Variants in FAM135B observed in about 807,000 individuals in gnomAD.
The protein encoded by FAM135B is family with sequence similarity 135 member B.
FAM135B carries 43 observed loss-of-function variants against 127.7 expected under a neutral mutation model. That is an observed-to-expected ratio of 0.34 (90% CI 0.26 to 0.43). FAM135B has a LOEUF of 0.43. FAM135B is among the 20% of genes least tolerant of loss of function. FAM135B has a pLI of 1.00. For missense variants in FAM135B, 1,558 were observed against 1,725.6 expected (o/e 0.90, Z 1.72); for synonymous variants, 670 against 665.1 (o/e 1.01, Z -0.11).
chr8:138,175,894 A>T (rs191217798), intron 11 of FAM135B, among the ~76,000 whole-genome samples: 50 of 152,300 alleles, frequency 3.3e-4, no homozygotes, highest in African/African-American at 1.2e-3. Flanking sequence ...GACAATACAC[A>T]TTCGCTTACT....
At chr8:138,140,887 G>A (rs1400725469) in intron 17 of FAM135B, among the ~76,000 whole-genome samples, 1 of 152,166 alleles carries the variant, frequency 6.6e-6, no homozygotes, top group Non-Finnish European at 1.5e-5. Flanking sequence ...CAGGTGGCCT[G>A]ATTCAGAGTC....
chr8:138,284,107 T>C (rs73719206), intron 3 of FAM135B, among the ~76,000 whole-genome samples: 1,799 of 152,298 alleles, frequency 0.012, 38 homozygotes, highest in African/African-American at 0.041. Context: ...AAAAAAACTT[T>C]TTATCACTAC....
At chr8:138,329,538 T>C (rs1054101481) in intron 2 of FAM135B, among the ~76,000 whole-genome samples, 1 of 152,174 alleles carries the variant, frequency 6.6e-6, no homozygotes, top group Non-Finnish European at 1.5e-5. Context: ...CTTGGCTCCA[T>C]TTGACTAGGA....
chr8:138,413,432 C>A (rs1161593003), intron 1 of FAM135B, among the ~76,000 whole-genome samples: 2 of 152,154 alleles, frequency 1.3e-5, no homozygotes, highest in African/African-American at 4.8e-5. Context: ...ACTTAGGAAG[C>A]CTTCTCTAAA....
At chr8:138,301,324 G>GGTT (rs1563874213) in intron 3 of FAM135B, among the ~76,000 whole-genome samples, 5 of 152,098 alleles carry the variant, frequency 3.3e-5, no homozygotes, top group Non-Finnish European at 7.4e-5. Context: ...AACAGAAAGC[G>GGTT]GTCGTCTTGC....
At chr8:138,400,236 G>T (rs566332455) in intron 1 of FAM135B, among the ~76,000 whole-genome samples, 1 of 152,226 alleles carries the variant, frequency 6.6e-6, no homozygotes, top group Non-Finnish European at 1.5e-5. Context: ...AGATATTCCT[G>T]CTTGGAGGGG....
intron 1 of FAM135B, among the ~76,000 whole-genome samples, chr8:138,444,230 T>C (rs1233369192): frequency 6.6e-6 from 1 of 152,046 alleles, no homozygotes; most frequent in Non-Finnish European, 1.5e-5. Flanking sequence ...CTGTCAACAT[T>C]AGACAGGTCA....
intron 1 of FAM135B, among the ~76,000 whole-genome samples, chr8:138,434,284 G>T (rs1835349754): frequency 6.6e-6 from 1 of 152,122 alleles, no homozygotes; most frequent in South Asian, 2.1e-4. Context: ...GAATCTCTTT[G>T]ATTTATTCAA....
chr8:138,194,295 C>T (rs1816425732), intron 9 of FAM135B, among the ~76,000 whole-genome samples: 1 of 152,206 alleles, frequency 6.6e-6, no homozygotes, highest in South Asian at 2.1e-4. Context: ...TCCCAACACC[C>T]TCCTCTGTCT....
At chr8:138,494,819 A>G (rs1815328723) in intron 1 of FAM135B, among the ~76,000 whole-genome samples, 1 of 149,386 alleles carries the variant, frequency 6.7e-6, no homozygotes, top group Non-Finnish European at 1.5e-5. Context: ...ACTCTGTCTA[A>G]ATCTCTGTTT....
chr8:138,398,099 C>T (rs1276716473), intron 1 of FAM135B, among the ~76,000 whole-genome samples: 6 of 152,198 alleles, frequency 3.9e-5, no homozygotes, highest in Non-Finnish European at 7.3e-5. Flanking sequence ...GTCCTGCATC[C>T]TGGCTCGTCT....
At chr8:138,489,122 C>T (rs186048333) in intron 1 of FAM135B, among the ~76,000 whole-genome samples, 11 of 152,268 alleles carry the variant, frequency 7.2e-5, no homozygotes, top group East Asian at 3.9e-4. Context: ...CTGTGTATTC[C>T]GCCAAACTCT....
intron 7 of FAM135B, among the ~76,000 whole-genome samples, chr8:138,219,606 C>T (rs963149438): frequency 4.6e-5 from 7 of 152,166 alleles, no homozygotes; most frequent in African/African-American, 1.7e-4. Context: ...CCAGGCCTTC[C>T]TATTCCTCCA....
chr8:138,276,806 C>T (rs895766874), intron 3 of FAM135B, among the ~76,000 whole-genome samples: 12 of 152,212 alleles, frequency 7.9e-5, no homozygotes, highest in Non-Finnish European at 1.8e-4. Flanking sequence ...ACAGAGAGTA[C>T]CTAGTCCGAA....
At chr8:138,371,736 T>C (rs990706840) in intron 1 of FAM135B, among the ~76,000 whole-genome samples, 2 of 152,044 alleles carry the variant, frequency 1.3e-5, no homozygotes, top group Non-Finnish European at 2.9e-5. Context: ...ACACACAATA[T>C]ACCCAACCCG....
In FAM135B at chr8:138,268,407, C is replaced by A. The variant is rs200971229; in HGVS notation, c.158-2565G>T. ...GGGTATTTACTGAAAGTCACCAAAT[C>A]CCGAGGTGACCCATTAAGCCTGGGA... On this transcript the variant is annotated intron_variant, in intron 3 of 19. Transcript: ENST00000395297. 3.5e-4 allele frequency among the ~76,000 whole-genome samples: 53 copies of A among 152,286 alleles called. No homozygotes were observed. The East Asian group carries it at 9.1e-3, about 26-fold the overall frequency.
intron 12 of FAM135B, among the ~76,000 whole-genome samples, chr8:138,155,455 T>TA (rs1818636607): frequency 6.6e-6 from 1 of 152,214 alleles, no homozygotes; most frequent in South Asian, 2.1e-4. Flanking sequence ...ATATTAAACT[T>TA]AAATGTAAAT....
chr8:138,430,311 C>T (rs150958799), intron 1 of FAM135B, among the ~76,000 whole-genome samples: 7 of 152,176 alleles, frequency 4.6e-5, no homozygotes, highest in Middle Eastern at 3.4e-3. Context: ...ATGCTTCTTC[C>T]GAAGCTCAGA....
intron 1 of FAM135B, among the ~76,000 whole-genome samples, chr8:138,484,551 A>T (rs1206800133): frequency 2.6e-5 from 4 of 152,172 alleles, no homozygotes; most frequent in Non-Finnish European, 5.9e-5. Context: ...CTGCATGAAG[A>T]TGACATAAAA....
Sources: allele counts gnomAD v4.1 joint callset (sites outside exome capture counted in the v4.1 genomes callset), GRCh38; gene constraint gnomAD v4.1.1; transcripts MANE v1.5; gene names NCBI Gene and HGNC (gene_info 2026-07-23, HGNC 2026-07-21).